RBM6: variants seen among roughly 807,000 people sequenced by gnomAD.
The protein encoded by RBM6 is RNA-binding protein 6.
Under a neutral mutation model 140.4 loss-of-function variants are expected in RBM6, and 23 were observed. That is an observed-to-expected ratio of 0.16 (90% confidence interval 0.12 to 0.23). The LOEUF is 0.23. RBM6 is among the 10% of genes least tolerant of loss of function. The probability of loss-of-function intolerance (pLI) is 1.00; values close to 1 mark genes in which losing one functional copy is unlikely to be tolerated. For synonymous variants in RBM6, 439 were observed against 475.6 expected (o/e 0.92, Z 1.00); for missense variants, 1,139 against 1,386.7 (o/e 0.82, Z 2.84).
chr3:49,971,042 G>A (rs2084765444), intron 3 of RBM6, among the ~76,000 whole-genome samples: 1 of 152,012 alleles, frequency 6.6e-6, no homozygotes, highest in East Asian at 1.9e-4. Flanking sequence ...TGAGGCAGGT[G>A]GATCATTTGA....
chr3:50,010,787 C>T (rs1282959609), intron 6 of RBM6, among the ~76,000 whole-genome samples: 1 of 148,202 alleles, frequency 6.7e-6, no homozygotes, highest in Non-Finnish European at 1.5e-5. Context: ...CCTGTAGTCC[C>T]AGCTACTCGG....
intron 5 of RBM6, among the ~76,000 whole-genome samples, chr3:49,985,924 TTC>T (rs1464564690): frequency 6.6e-6 from 1 of 152,110 alleles, no homozygotes; most frequent in African/African-American, 2.4e-5. Context: ...GAGTTGATTG[TTC>T]TTAGTCTCAG....
chr3:50,029,743 A>C (rs1254367225), intron 6 of RBM6, among the ~76,000 whole-genome samples: 1 of 151,960 alleles, frequency 6.6e-6, no homozygotes, highest in Non-Finnish European at 1.5e-5. Context: ...AAAAAATAAT[A>C]ATAATAATAA....
At chr3:50,036,707 A>G (rs2088557184) in intron 6 of RBM6, among the ~76,000 whole-genome samples, 1 of 152,186 alleles carries the variant, frequency 6.6e-6, no homozygotes, top group Non-Finnish European at 1.5e-5. Flanking sequence ...GCTTGTGAAA[A>G]TAAGTAGAAC....
intron 20 of RBM6, among the ~76,000 whole-genome samples, chr3:50,076,770 C>T (rs999184553): frequency 6.6e-6 from 1 of 151,728 alleles, no homozygotes; most frequent in African/African-American, 2.4e-5. Flanking sequence ...CCTGTAGTCC[C>T]AGCTACTCAG....
chr3:50,021,445 G>A (rs184415405), intron 6 of RBM6, among the ~76,000 whole-genome samples: 4 of 152,186 alleles, frequency 2.6e-5, no homozygotes, highest in Non-Finnish European at 5.9e-5. Context: ...TTTGAGACCA[G>A]CCTAGCCAAC....
intron 17 of RBM6, 59 bp downstream of exon 17, chr3:50,066,561 C>T: frequency 1.3e-6 from 2 of 1,565,104 alleles, no homozygotes; most frequent in African/African-American, 1.3e-5. Flanking sequence ...GGCTTTGTGG[C>T]TCATGCCTGT....
At position 49,951,166 on chromosome 3, in the gene RBM6, A is replaced by T. The variant is rs548036818; in HGVS notation, c.-67+10941A>T. Among the ~76,000 whole-genome samples, 3 of 152,286 alleles carry T rather than the reference A, an allele frequency of 2.0e-5. No individual in the cohort carries two copies. The East Asian group carries it at 5.8e-4, about 29-fold the overall frequency. On this transcript the variant is annotated intron_variant, in intron 1 of 20. Transcript: ENST00000266022. The stretch of plus-strand genomic sequence containing the variant: ...AGTGAAAATCATAGAAACAGAAAAT[A>T]GTTGTCAGGGATGGTGTGAGGGATG...
At position 50,075,205 on chromosome 3, in the gene RBM6, C is replaced by T. The variant is rs759507731; in HGVS notation, c.3121C>T (p.Arg1041Cys). 24 of 1,612,842 alleles carry T rather than the reference C, an allele frequency of 1.5e-5. No homozygotes were observed. Among genetic ancestry groups the T allele is most frequent in the East Asian group, 1.3e-4 (6 of 44,864 alleles). Residue 1041 changes from arginine to cysteine, a missense_variant, in exon 20 of 21, where the codon CGT (arginine) becomes TGT (cysteine). Around this residue, in one of 9 missense-constraint regions of RBM6, gnomAD observed 125 missense variants for 142.0 expected, o/e 0.88. Transcript: ENST00000266022. ...IKYSRETDSDRKLVDKEDIDT... is the reference protein window; with the variant it reads ...IKYSRETDSDCKLVDKEDIDT... ...TGGTGTCTGCTTCTTTTGCAGTGAT[C>T]GTAAACTTGTTGATAAAGAAGATAT...
intron 6 of RBM6, among the ~76,000 whole-genome samples, chr3:50,034,057 A>G (rs2088352603): frequency 6.7e-6 from 1 of 149,376 alleles, no homozygotes; most frequent in Non-Finnish European, 1.5e-5. Flanking sequence ...TCTTAATAAG[A>G]CTATGTCTTC....
chr3:49,980,290 C>T (rs924465595), intron 5 of RBM6, among the ~76,000 whole-genome samples: 12 of 151,826 alleles, frequency 7.9e-5, no homozygotes, highest in African/African-American at 2.9e-4. Context: ...CAGACGTGAG[C>T]CACCATGCCC....
intron 6 of RBM6, among the ~76,000 whole-genome samples, chr3:50,035,512 C>T (rs2088478468): frequency 6.6e-6 from 1 of 151,874 alleles, no homozygotes; most frequent in Admixed American, 6.6e-5. Context: ...GAAACCCCGT[C>T]TCTACTAAAA....
chr3:49,999,525 CT>C lies in RBM6; in HGVS notation c.1557+14del. ...TGGAGGCCAACCAGGTTGCTTTATA[CT>C]TCGGTCAAATGATGCTGGAAGGATA... On this transcript the variant is annotated intron_variant, in intron 6 of 20. Coordinates refer to ENST00000266022, the MANE Select transcript of RBM6 (RefSeq NM_005777.3). 1.3e-6 allele frequency: 2 copies of C among 1,596,094 alleles called. No homozygotes were observed. The highest frequency in any genetic ancestry group is 1.7e-6 in the Non-Finnish European group (2 of 1,163,594).
At chr3:50,006,931 C>CAAA (rs1202355520) in intron 6 of RBM6, among the ~76,000 whole-genome samples, 2 of 92,746 alleles carry the variant, frequency 2.2e-5, no homozygotes, top group Admixed American at 1.2e-4. Flanking sequence ...GACTCCATCT[C>CAAA]AAAAAAAAAA....
At chr3:50,007,484 G>A (rs570677409) in intron 6 of RBM6, among the ~76,000 whole-genome samples, 1 of 151,878 alleles carries the variant, frequency 6.6e-6, no homozygotes, top group Non-Finnish European at 1.5e-5. Context: ...ACCATGTCCG[G>A]CCCTTAGTAG....
intron 7 of RBM6, among the ~76,000 whole-genome samples, chr3:50,050,251 C>T (rs2089414854): frequency 6.6e-6 from 1 of 152,082 alleles, no homozygotes; most frequent in African/African-American, 2.4e-5. Flanking sequence ...TCCCCAGAAA[C>T]CATTAATCTT....
At chr3:49,973,644 G>A (rs1353887303) in intron 4 of RBM6, among the ~76,000 whole-genome samples, 2 of 146,366 alleles carry the variant, frequency 1.4e-5, no homozygotes, top group African/African-American at 5.1e-5. Flanking sequence ...GGAGTGCAGT[G>A]GCGCGATCTC....
chr3:50,055,288 G>T (rs2089656305), intron 8 of RBM6, among the ~76,000 whole-genome samples: 1 of 152,200 alleles, frequency 6.6e-6, no homozygotes, highest in Non-Finnish European at 1.5e-5. Context: ...ATTAGCCACA[G>T]GTGTGGTGGC....
chr3:50,057,943 C>T lies in RBM6; in HGVS notation c.1909C>T (p.Arg637Ter). The change falls in exon 9 of 21, where the codon CGA becomes TGA. Residue 637 changes from arginine (R) to a stop codon, truncating the protein, a stop_gained. Coordinates refer to ENST00000266022, the MANE Select transcript of RBM6 (RefSeq NM_005777.3). LOFTEE classifies it high-confidence loss of function. Reference protein sequence around the residue: ...PPSRREGPTFRRDRERESWSG... With the variant: ...PPSRREGPTF ...TTCTCGAAGGGAAGGGCCAACTTTC[C>T]GAAGAGACCGAGAGAGGGAGTCATG... The T allele has an allele frequency of 6.2e-7, 1 of 1,614,040 alleles. No individual in the cohort carries two copies. Among genetic ancestry groups the T allele is most frequent in the Non-Finnish European group, 8.5e-7 (1 of 1,180,012 alleles).
Sources: allele counts gnomAD v4.1 joint callset (sites outside exome capture counted in the v4.1 genomes callset), GRCh38; gene constraint gnomAD v4.1.1; regional missense constraint gnomAD v4.1.1; transcripts MANE v1.5; gene names NCBI Gene and HGNC (gene_info 2026-07-23, HGNC 2026-07-21).